SCML2: variants seen among roughly 807,000 people sequenced by gnomAD.
The protein encoded by SCML2 is sex comb on midleg-like protein 2.
SCML2 carries 6 observed loss-of-function variants against 48.4 expected under a neutral mutation model. That is an observed-to-expected ratio of 0.12 (90% CI 0.07 to 0.24). SCML2 has a LOEUF of 0.24. Among genes scored for constraint, SCML2 ranks in the 10% least tolerant of loss-of-function variants. SCML2 has a pLI of 1.00. For missense variants in SCML2, 377 were observed against 528.2 expected (o/e 0.71, Z 2.81); for synonymous variants, 181 against 189.5 (o/e 0.95, Z 0.37).
chrX:18,275,528 A>G (rs1403554647), intron 7 of SCML2, among the ~76,000 whole-genome samples: 1 of 112,351 alleles, frequency 8.9e-6, no homozygotes, highest in Admixed American at 9.4e-5. Flanking sequence ...TCTTATCTTT[A>G]TTTACATATA....
At chrX:18,252,981 C>T (rs1926717126) in intron 11 of SCML2, among the ~76,000 whole-genome samples, 2 of 111,663 alleles carry the variant, frequency 1.8e-5, no homozygotes, top group Admixed American at 1.9e-4. Flanking sequence ...TAAAGACCCA[C>T]CAGGGGGTCT....
intron 5 of SCML2, among the ~76,000 whole-genome samples, chrX:18,321,017 A>G (rs187962766): frequency 8.9e-6 from 1 of 111,838 alleles, no homozygotes; most frequent in African/African-American, 3.2e-5. Flanking sequence ...AGGATTGATG[A>G]ATAAATAGAA....
intron 11 of SCML2, among the ~76,000 whole-genome samples, chrX:18,248,111 T>C (rs181104809): frequency 1.8e-3 from 203 of 111,993 alleles, no homozygotes; most frequent in Non-Finnish European, 3.2e-3. Flanking sequence ...AAGGAGCATA[T>C]CTAGGCTTCT....
chrX:18,353,505 C>T (rs1454934063), intron 1 of SCML2, among the ~76,000 whole-genome samples: 1 of 112,281 alleles, frequency 8.9e-6, no homozygotes, highest in Non-Finnish European at 1.9e-5. Context: ...CTTTCCCTGC[C>T]TCAGTTTACC....
chrX:18,247,942 A>T, intron 11 of SCML2, 60 bp from the exon 12 acceptor site: 1 of 778,574 alleles, frequency 1.3e-6, no homozygotes, highest in Non-Finnish European at 1.9e-6. Context: ...AAGCATTTTC[A>T]TATCATCAGC....
intron 11 of SCML2, among the ~76,000 whole-genome samples, chrX:18,248,326 G>A (rs1926527458): frequency 8.9e-6 from 1 of 111,947 alleles, no homozygotes. Flanking sequence ...CAAGTCTACT[G>A]CTTACTTATC....
chrX:18,271,144 G>A (rs1327222652), intron 7 of SCML2, among the ~76,000 whole-genome samples: 1 of 111,503 alleles, frequency 9.0e-6, no homozygotes, highest in Admixed American at 9.6e-5. Context: ...AGAAAGAAAG[G>A]AGATAGGTGC....
chrX:18,342,782 A>T (rs1050720778), intron 1 of SCML2, among the ~76,000 whole-genome samples: 4 of 111,864 alleles, frequency 3.6e-5, no homozygotes, highest in Non-Finnish European at 7.5e-5. Context: ...ACAAGTATGG[A>T]CAATCTGCAA....
At chrX:18,354,521 C>T in intron 1 of SCML2, 71 bp downstream of exon 1, 1 of 233,813 alleles carries the variant, frequency 4.3e-6, no homozygotes, top group Non-Finnish European at 7.8e-6. Flanking sequence ...CGCCCGCCCA[C>T]GGACAACGGT....
At chrX:18,291,612 T>C (rs1247079249) in intron 7 of SCML2, among the ~76,000 whole-genome samples, 1 of 111,795 alleles carries the variant, frequency 8.9e-6, no homozygotes, top group Non-Finnish European at 1.9e-5. Context: ...TGTATTTCTT[T>C]AGTTATTAAT....
chrX:18,255,733 A>AAAG (rs1926817152), intron 11 of SCML2, among the ~76,000 whole-genome samples: 1 of 112,831 alleles, frequency 8.9e-6, no homozygotes, highest in African/African-American at 3.2e-5. Context: ...ACCAGAAAAA[A>AAAG]AAGTAGTAGC....
chrX:18,262,547 G>A (rs1156508381), intron 8 of SCML2, among the ~76,000 whole-genome samples: 3 of 107,158 alleles, frequency 2.8e-5, no homozygotes, highest in Non-Finnish European at 5.7e-5. Context: ...CGCCATGTTG[G>A]CCAGGCTGGT....
At chrX:18,270,632 T>C (rs1295085744) in intron 7 of SCML2, among the ~76,000 whole-genome samples, 1 of 111,285 alleles carries the variant, frequency 9.0e-6, no homozygotes, top group Non-Finnish European at 1.9e-5. Flanking sequence ...CCATTCAATA[T>C]ATTACACATC....
At chrX:18,296,580 G>A (rs1113969) in intron 7 of SCML2, among the ~76,000 whole-genome samples, 29,909 of 110,231 alleles carry the variant, frequency 0.27, 3,463 homozygotes, top group African/African-American at 0.44. Flanking sequence ...CACAACAAAA[G>A]CTACAGAAAT....
rs190465403 is a variant in SCML2, at chrX:18,242,420, G to T, written c.1974+19C>A. 8.5e-7 allele frequency: 1 copy of T among 1,170,840 alleles called. No homozygotes were observed. Among genetic ancestry groups the T allele is most frequent in the Admixed American group, 2.7e-5 (1 of 37,247 alleles). On this transcript the variant is annotated intron_variant, in intron 14 of 14. Transcript: ENST00000251900. ...TCAAAGGCATTACGGCAGGAAAACC[G>T]GATCAAAAGATACATTACATGTTGC...
intron 11 of SCML2, among the ~76,000 whole-genome samples, chrX:18,253,992 C>T (rs1926752495): frequency 9.0e-6 from 1 of 111,403 alleles, no homozygotes; most frequent in Non-Finnish European, 1.9e-5. Flanking sequence ...AGTAGGTATC[C>T]TTGTGCGAAG....
At chrX:18,325,217 C>G (rs1341194719) in intron 3 of SCML2, among the ~76,000 whole-genome samples, 1 of 111,746 alleles carries the variant, frequency 8.9e-6, no homozygotes, top group Non-Finnish European at 1.9e-5. Context: ...CCTAGATACT[C>G]TCATTGTAAT....
chrX:18,330,783 G>A (rs748424752), intron 2 of SCML2, 128 bp from the exon 3 acceptor site: 323 of 383,908 alleles, frequency 8.4e-4, no homozygotes, highest in Middle Eastern at 5.7e-3. Flanking sequence ...TTTCTATGTA[G>A]GACTTACCAT....
intron 12 of SCML2, among the ~76,000 whole-genome samples, chrX:18,247,138 G>A (rs1000083478): frequency 1.8e-5 from 2 of 110,808 alleles, no homozygotes; most frequent in Non-Finnish European, 3.8e-5. Context: ...GAGTACAGGC[G>A]CCTGCCACCA....
Sources: gnomAD v4.1 joint callset for allele counts (sites outside exome capture counted in the v4.1 genomes callset) on GRCh38, gnomAD v4.1.1 for gene constraint, MANE v1.5 for transcripts, NCBI Gene and HGNC (gene_info 2026-07-23, HGNC 2026-07-21) for gene names.